The following GABRA4 variants were observed in gnomAD, a reference collection of about 807,000 sequenced individuals.
GABRA4 encodes gamma-aminobutyric acid receptor subunit alpha-4.
Under a neutral mutation model 49.7 loss-of-function variants are expected in GABRA4, and 12 were observed. That is an observed-to-expected ratio of 0.24 (90% confidence interval 0.15 to 0.39). The LOEUF is 0.39. Ranked by LOEUF, GABRA4 falls within the 10% of genes least tolerant of loss-of-function variation. The probability of loss-of-function intolerance (pLI) is 1.00; values close to 1 mark genes in which losing one functional copy is unlikely to be tolerated. For missense variants in GABRA4, 506 were observed against 686.0 expected (o/e 0.74, Z 2.93); for synonymous variants, 288 against 240.2 (o/e 1.20, Z -1.84).
At chr4:46,960,888 T>C (rs1223672774) in intron 8 of GABRA4, among the ~76,000 whole-genome samples, 1 of 151,436 alleles carries the variant, frequency 6.6e-6, no homozygotes, top group Non-Finnish European at 1.5e-5. Context: ...AATTAGAAAA[T>C]AGAAACAATG....
At chr4:46,960,771 A>C (rs1453099970) in intron 8 of GABRA4, among the ~76,000 whole-genome samples, 2 of 151,758 alleles carry the variant, frequency 1.3e-5, no homozygotes, top group Non-Finnish European at 2.9e-5. Flanking sequence ...TTATTTAAAT[A>C]AAACATAGTG....
intron 8 of GABRA4, among the ~76,000 whole-genome samples, chr4:46,948,913 T>G (rs751887236): frequency 1.3e-5 from 2 of 152,078 alleles, no homozygotes; most frequent in Non-Finnish European, 2.9e-5. Context: ...AGCCCCAAAT[T>G]TTACTCCTTT....
At chr4:46,979,704 A>T (rs879635680) in intron 2 of GABRA4, among the ~76,000 whole-genome samples, 2 of 152,090 alleles carry the variant, frequency 1.3e-5, no homozygotes, top group Non-Finnish European at 2.9e-5. Context: ...TAACTCCTCA[A>T]TAGTAGCCAC....
At chr4:46,979,198 T>C (rs1723261849) in intron 2 of GABRA4, 100 bp from the exon 3 acceptor site, 2 of 702,286 alleles carry the variant, frequency 2.8e-6, no homozygotes. Context: ...TGATATATCA[T>C]GTTTTTACAA....
chr4:46,943,477 A>G (rs1560466314), intron 8 of GABRA4, among the ~76,000 whole-genome samples: 1 of 152,172 alleles, frequency 6.6e-6, no homozygotes, highest in African/African-American at 2.4e-5. Context: ...TTAAAATAAT[A>G]TTTACACACT....
chr4:46,992,242 C>T (rs866727686), intron 2 of GABRA4, among the ~76,000 whole-genome samples: 3 of 152,102 alleles, frequency 2.0e-5, no homozygotes, highest in Non-Finnish European at 4.4e-5. Context: ...ACATCTCTAA[C>T]TTTAAAGTCT....
intron 7 of GABRA4, among the ~76,000 whole-genome samples, chr4:46,965,683 A>G (rs1464564150): frequency 6.6e-6 from 1 of 151,782 alleles, no homozygotes; most frequent in Admixed American, 6.6e-5. Context: ...AGTGAGCAAC[A>G]CTGGCCTCCT....
At chr4:46,944,419 T>G (rs917865107) in intron 8 of GABRA4, among the ~76,000 whole-genome samples, 1 of 152,134 alleles carries the variant, frequency 6.6e-6, no homozygotes, top group Non-Finnish European at 1.5e-5. Flanking sequence ...ACCCGCTCAT[T>G]AATGACACTT....
Position 46,974,202 on chromosome 4 carries a change from C to T in GABRA4, c.721+30G>A, listed in dbSNP as rs755922174. 4.4e-6 allele frequency: 7 copies of T among 1,586,614 alleles called. No individual in the cohort carries two copies. In the South Asian group the frequency reaches 7.0e-5, roughly 16 times the overall value. ...AAACTTTATTGCTAACACCAAGTAG[C>T]ATGTCGGCTTTAATCATTACACATC... On this transcript the variant is annotated intron_variant, in intron 6 of 8. Coordinates refer to ENST00000264318, the MANE Select transcript of GABRA4 (RefSeq NM_000809.4).
At chr4:46,938,411 C>A (rs1337271503) in intron 8 of GABRA4, among the ~76,000 whole-genome samples, 1 of 152,086 alleles carries the variant, frequency 6.6e-6, no homozygotes, top group African/African-American at 2.4e-5. Flanking sequence ...TCATCTACAT[C>A]AGCAAAGGCA....
chr4:46,935,152 C>T (rs186270009), intron 8 of GABRA4, among the ~76,000 whole-genome samples: 38 of 152,222 alleles, frequency 2.5e-4, no homozygotes, highest in Admixed American at 2.1e-3. Context: ...TATGCCATTG[C>T]CAGTGATCCA....
At chr4:46,970,133 T>C (rs28579132) in intron 7 of GABRA4, among the ~76,000 whole-genome samples, 78,817 of 151,182 alleles carry the variant, frequency 0.52, 20,843 homozygotes, top group East Asian at 0.7. Context: ...CAATAGTTCT[T>C]GAAAAGGATG....
At chr4:46,963,390 T>C (rs972180062) in intron 8 of GABRA4, among the ~76,000 whole-genome samples, 21 of 151,922 alleles carry the variant, frequency 1.4e-4, no homozygotes, top group Middle Eastern at 3.4e-3. Flanking sequence ...GGGGAAGTAA[T>C]TGAATCATGG....
chr4:46,969,360 T>A (rs1232995568), intron 7 of GABRA4, among the ~76,000 whole-genome samples: 1 of 151,558 alleles, frequency 6.6e-6, no homozygotes. Flanking sequence ...AATATTTGTA[T>A]TTTTTTGTAC....
chr4:46,935,077 C>T (rs1331846887), intron 8 of GABRA4, among the ~76,000 whole-genome samples: 1 of 152,144 alleles, frequency 6.6e-6, no homozygotes, highest in Admixed American at 6.6e-5. Flanking sequence ...TAAAAATAAT[C>T]TGAGACTGGT....
rs367769832 is a variant in GABRA4, at chr4:46,944,860, G to C, written c.1135-16105C>G. Among the ~76,000 whole-genome samples the C allele has an allele frequency of 1.3e-3, 197 of 152,124 alleles. 5 individuals are homozygous for C. The South Asian group carries it at 0.039, about 30-fold the overall frequency. ...GCTTGTGTGAGTGCCCCTCCAGACT[G>C]TGAGTTTCTTTAAGGGCCTCAACAG... is the stretch of plus-strand genomic sequence containing the variant. On this transcript the variant is annotated intron_variant, in intron 8 of 8. Coordinates refer to ENST00000264318, the MANE Select transcript of GABRA4 (RefSeq NM_000809.4).
At chr4:46,954,401 C>CA (rs34429824) in intron 8 of GABRA4, among the ~76,000 whole-genome samples, 78,470 of 151,324 alleles carry the variant, frequency 0.52, 20,526 homozygotes, top group East Asian at 0.66. Context: ...ACTAAAAATA[C>CA]AAAAAATTAG....
chr4:46,941,905 A>C (rs147513583), intron 8 of GABRA4, among the ~76,000 whole-genome samples: 16 of 152,272 alleles, frequency 1.1e-4, no homozygotes, highest in African/African-American at 3.6e-4. Flanking sequence ...AGAGGCATCA[A>C]ATCAAGAATC....
chr4:46,952,592 C>T (rs755739355), intron 8 of GABRA4, among the ~76,000 whole-genome samples: 1 of 151,956 alleles, frequency 6.6e-6, no homozygotes, highest in Non-Finnish European at 1.5e-5. Context: ...GGAGATTTAG[C>T]GATGTATATT....
Sources: gnomAD v4.1 joint callset for allele counts (sites outside exome capture counted in the v4.1 genomes callset) on GRCh38, gnomAD v4.1.1 for gene constraint, MANE v1.5 for transcripts, NCBI Gene and HGNC (gene_info 2026-07-23, HGNC 2026-07-21) for gene names.